The following TTC31 variants were observed in gnomAD, a reference collection of about 807,000 sequenced individuals.
TTC31 encodes the protein tetratricopeptide repeat domain 31, also known as tetratricopeptide repeat protein 31.
TTC31 carries 59 observed loss-of-function variants against 60.4 expected under a neutral mutation model. That is an observed-to-expected ratio of 0.98 (90% CI 0.79 to 1.21). The LOEUF (loss-of-function observed/expected upper bound fraction) is 1.21, where lower values mean the gene tolerates loss of function less well. Among genes scored for constraint, TTC31 ranks in the 50% most tolerant of loss-of-function variants. The probability of loss-of-function intolerance (pLI) is 0.00; values close to 1 mark genes in which losing one functional copy is unlikely to be tolerated. For missense variants in TTC31, 672 were observed against 646.9 expected (o/e 1.04, Z -0.42); for synonymous variants, 225 against 249.6 (o/e 0.90, Z 0.93).
rs1367970437 is a variant in TTC31, at chr2:74,484,515, G to A, written c.129+1105G>A. Among the ~76,000 whole-genome samples, 3 of 151,926 alleles carry A rather than the reference G, an allele frequency of 2.0e-5. No homozygotes were observed. In the East Asian group the frequency reaches 5.9e-4, roughly 30 times the overall value. ...ACTCTGTCGCCCAGGCTGGAGTGCA[G>A]TGGTGTGATCTTGGCTCACTGCAAC... On this transcript the variant is annotated intron_variant, in intron 2 of 12. Transcript: ENST00000233623.
At position 74,492,042 on chromosome 2, in the gene TTC31, C is replaced by T. The variant is rs1437408323; in HGVS notation, c.915C>T (p.Ser305=). The T allele has an allele frequency of 3.7e-6, 6 of 1,614,104 alleles. No individual in the cohort carries two copies. Among genetic ancestry groups the T allele is most frequent in the Non-Finnish European group, 5.1e-6 (6 of 1,180,044 alleles). ...PGLLAAALQQ[S]QELAKLGTSF... Reference sequence around the variant, plus strand: ...TGCTGGCAGCTGCCTTACAACAGAGCCAGGAACTGGCAAGTGAGATCCTTT... The same window carrying T: ...TGCTGGCAGCTGCCTTACAACAGAGTCAGGAACTGGCAAGTGAGATCCTTT... Residue 305 remains serine, a synonymous_variant, in exon 9 of 13, where the codon AGC becomes AGT. Coordinates refer to ENST00000233623, the MANE Select transcript of TTC31 (RefSeq NM_022492.6).
In TTC31 at chr2:74,493,049, C is replaced by T. The variant is rs756592999; in HGVS notation, c.1391C>T (p.Ser464Phe). ...LRCPRSTALRSPGLSPLLHYP... is the reference protein window; with the variant it reads ...LRCPRSTALRFPGLSPLLHYP... ...TGCCCTCGAAGCACTGCTTTGAGGTCCCCTGGCCTGTCTCCACTCTTGCAT... is the reference window on the plus strand; with the variant it reads ...TGCCCTCGAAGCACTGCTTTGAGGTTCCCTGGCCTGTCTCCACTCTTGCAT... The change falls in exon 13 of 13, where the codon TCC (serine) becomes TTC (phenylalanine). Residue 464 changes from serine to phenylalanine, a missense_variant. Physicochemically the swap from Ser to Phe is radical, Grantham distance 155. Transcript: ENST00000233623. 3.5e-5 allele frequency: 56 copies of T among 1,614,034 alleles called. No individual in the cohort carries two copies. Among genetic ancestry groups the T allele is most frequent in the Non-Finnish European group, 4.6e-5 (54 of 1,180,030 alleles).
Position 74,492,996 on chromosome 2 carries a change from G to C in TTC31, c.1338G>C (p.Leu446=). 6.2e-7 allele frequency: 1 copy of C among 1,614,102 alleles called. No individual in the cohort carries two copies. Among genetic ancestry groups the C allele is most frequent in the Non-Finnish European group, 8.5e-7 (1 of 1,179,990 alleles). Residue 446 remains leucine, a synonymous_variant, in exon 13 of 13, where the codon CTG becomes CTC. Coordinates refer to ENST00000233623, the MANE Select transcript of TTC31 (RefSeq NM_022492.6). ...GALQPLPHAE[L]APSGLPSLRC... ...TCCAGCCACTTCCCCATGCTGAGCT[G>C]GCACCCTCAGGCCTACCTTCCCTCA...
At chr2:74,489,012 TA>T (rs1673498850) in intron 2 of TTC31, among the ~76,000 whole-genome samples, 1 of 152,102 alleles carries the variant, frequency 6.6e-6, no homozygotes, top group South Asian at 2.1e-4. Flanking sequence ...GTTGAGATCA[TA>T]CCACTGCACT....
intron 2 of TTC31, among the ~76,000 whole-genome samples, chr2:74,485,876 T>G (rs1272614819): frequency 6.6e-6 from 1 of 151,776 alleles, no homozygotes; most frequent in Non-Finnish European, 1.5e-5. Flanking sequence ...AGTGCTGGGA[T>G]TACAGGCTTG....
Position 74,492,383 on chromosome 2 carries a change from A to G in TTC31, c.1099A>G (p.Thr367Ala), listed in dbSNP as rs767958521. The G allele has an allele frequency of 6.5e-7, 1 of 1,537,024 alleles. No homozygotes were observed. Among genetic ancestry groups the G allele is most frequent in the African/African-American group, 1.4e-5 (1 of 72,494 alleles). ...CCTGGCTGATGCCCAGGTGGCCCTT[A>G]CCCTACGGCCTGGCTGGCCCCGGGG... ...WALADAQVAL[T>A]LRPGWPRGLF... The change falls in exon 11 of 13, where the codon ACC (threonine) becomes GCC (alanine). Residue 367 changes from threonine (T) to alanine (A), a missense_variant. Thr to Ala is a moderately conservative substitution (Grantham distance 58, BLOSUM62 0). Transcript: ENST00000233623.
rs978296704 is a variant in TTC31, at chr2:74,490,698, C to T, written c.505C>T (p.Arg169Cys). ...LAEELVAEEE[R>C]MKQKAEKKRL... Reference sequence around the variant, plus strand: ...TGAGGAGCTGGTGGCTGAGGAGGAGCGCATGAAACAGAAAGCAGAGAAAAA... The same window carrying T: ...TGAGGAGCTGGTGGCTGAGGAGGAGTGCATGAAACAGAAAGCAGAGAAAAA... Residue 169 changes from arginine to cysteine, a missense_variant, in exon 5 of 13, where the codon CGC becomes TGC. Coordinates refer to ENST00000233623, the MANE Select transcript of TTC31 (RefSeq NM_022492.6). The T allele has an allele frequency of 5.0e-6, 8 of 1,613,560 alleles. No individual in the cohort carries two copies. The highest frequency in any genetic ancestry group is 2.7e-5 in the African/African-American group (2 of 74,806).
chr2:74,488,981 G>A (rs370401730), intron 2 of TTC31, among the ~76,000 whole-genome samples: 4 of 152,134 alleles, frequency 2.6e-5, no homozygotes, highest in South Asian at 2.1e-4. Flanking sequence ...GCTTGAACAC[G>A]GGAGGCAGAG....
rs771697630 is a variant in TTC31, at chr2:74,491,155, C to T, written c.574C>T (p.Arg192Cys). 21 of 1,614,050 alleles carry T rather than the reference C, an allele frequency of 1.3e-5. 1 individual carries two copies. The highest frequency in any genetic ancestry group is 1.6e-4 in the Middle Eastern group (1 of 6,084). Residue 192 changes from arginine to cysteine, a missense_variant, in exon 6 of 13, where the codon CGT becomes TGT. Coordinates refer to ENST00000233623, the MANE Select transcript of TTC31 (RefSeq NM_022492.6). ...KRQKERKRQE[R>C]LEQYCGEPKA... Reference sequence around the variant, plus strand: ...TCAAAAGGAACGGAAGCGACAGGAGCGTTTGGAGCAGTACTGTGGGGAGCC... The same window carrying T: ...TCAAAAGGAACGGAAGCGACAGGAGTGTTTGGAGCAGTACTGTGGGGAGCC...
chr2:74,486,955 G>C (rs1173259715), intron 2 of TTC31, among the ~76,000 whole-genome samples: 1 of 151,894 alleles, frequency 6.6e-6, no homozygotes, highest in Non-Finnish European at 1.5e-5. Context: ...TTTACATAGA[G>C]ATCTAAAAAG....
intron 12 of TTC31, 59 bp downstream of exon 12, chr2:74,492,806 C>CT (rs1674087764): frequency 1.0e-5 from 16 of 1,599,120 alleles, no homozygotes; most frequent in Non-Finnish European, 1.4e-5. Context: ...TTGGCTGGGA[C>CT]TGCAATACCA....
intron 2 of TTC31, among the ~76,000 whole-genome samples, chr2:74,485,595 C>G (rs1228705626): frequency 2.6e-5 from 4 of 151,558 alleles, no homozygotes; most frequent in Non-Finnish European, 4.4e-5. Flanking sequence ...CTCAGCCTCC[C>G]GAGTAGCTGG....
At chr2:74,484,256 A>ATC (rs1243397150) in intron 2 of TTC31, among the ~76,000 whole-genome samples, 1 of 151,988 alleles carries the variant, frequency 6.6e-6, no homozygotes, top group Non-Finnish European at 1.5e-5. Flanking sequence ...ATGAAAAAAT[A>ATC]TCTTTTTATA....
intron 5 of TTC31, 87 bp from the exon 6 acceptor site, chr2:74,491,041 C>A: frequency 6.5e-7 from 1 of 1,545,974 alleles, no homozygotes; most frequent in East Asian, 2.2e-5. Flanking sequence ...TCTCATAGAG[C>A]TGCAAAGATG....
Position 74,490,013 on chromosome 2 carries a change from C to T in TTC31, c.130-12C>T, listed in dbSNP as rs1219694987. ...CAACACCAGCCTCCCCTCCCCTCCCCTCCCCTCCCAGGACATAGTGGATTT... is the reference window on the plus strand; with the variant it reads ...CAACACCAGCCTCCCCTCCCCTCCCTTCCCCTCCCAGGACATAGTGGATTT... On this transcript the variant is annotated splice_polypyrimidine_tract_variant and intron_variant, in intron 2 of 12. Transcript: ENST00000233623. The T allele has an allele frequency of 6.6e-7, 1 of 1,518,748 alleles. No homozygotes were observed. The highest frequency in any genetic ancestry group is 1.2e-5 in the South Asian group (1 of 83,510). 94.1% of individuals were successfully genotyped at this position (1,518,748 alleles called of 1,614,324 possible).
At position 74,483,082 on chromosome 2, in the gene TTC31, T is replaced by C. The variant is rs1388956461; in HGVS notation, c.-14T>C. The C allele has an allele frequency of 4.3e-6, 7 of 1,614,004 alleles. No individual in the cohort carries two copies. The highest frequency in any genetic ancestry group is 2.2e-5 in the East Asian group (1 of 44,892). On this transcript the variant is annotated 5_prime_UTR_variant, in exon 1 of 13. Coordinates refer to ENST00000233623, the MANE Select transcript of TTC31 (RefSeq NM_022492.6). ...TACTAGACTACCTTTCATTTCCGGGTCACTGTAGATGCGATGGCGCCGATT... is the reference window on the plus strand; with the variant it reads ...TACTAGACTACCTTTCATTTCCGGGCCACTGTAGATGCGATGGCGCCGATT...
chr2:74,490,640 G>A lies in TTC31; in HGVS notation c.463-16G>A, dbSNP rs201934641. The A allele has an allele frequency of 1.5e-3, 2,391 of 1,612,760 alleles. 4 individuals carry two copies. The highest frequency in any genetic ancestry group is 5.8e-3 in the African/African-American group (431 of 74,950). ...CTGTTTCTCTCTTTTTCTGTCACCTGCCCTTCGTCCTTCAGGAAGCCAATC... is the reference window on the plus strand; with the variant it reads ...CTGTTTCTCTCTTTTTCTGTCACCTACCCTTCGTCCTTCAGGAAGCCAATC... On this transcript the variant is annotated splice_polypyrimidine_tract_variant and intron_variant, in intron 4 of 12. Coordinates refer to ENST00000233623, the MANE Select transcript of TTC31 (RefSeq NM_022492.6).
At position 74,494,368 on chromosome 2, in the gene TTC31, G is replaced by A. The variant is rs758542183; in HGVS notation, c.*1150G>A. 5 of 152,198 alleles carry A rather than the reference G, an allele frequency of 3.3e-5. No individual in the cohort carries two copies. The highest frequency in any genetic ancestry group is 4.4e-5 in the Non-Finnish European group (3 of 68,048). 9.4% of individuals were successfully genotyped at this position (152,198 alleles called of 1,614,324 possible). A position where few individuals can be genotyped will look rare whatever the true frequency, so the allele number is the denominator to read the frequency against. ...CTTAAATACTGTGTAGCAGGATGAAGTCTACCATTACCAGCTGGGTCACCT... is the reference window on the plus strand; with the variant it reads ...CTTAAATACTGTGTAGCAGGATGAAATCTACCATTACCAGCTGGGTCACCT... On this transcript the variant is annotated 3_prime_UTR_variant, in exon 13 of 13. Coordinates refer to ENST00000233623, the MANE Select transcript of TTC31 (RefSeq NM_022492.6).
chr2:74,491,610 A>G lies in TTC31; in HGVS notation c.814A>G (p.Met272Val). The change falls in exon 8 of 13, where the codon ATG becomes GTG. Residue 272 changes from methionine to valine, a missense_variant. By Grantham distance (21) the Met-to-Val change is conservative. Coordinates refer to ENST00000233623, the MANE Select transcript of TTC31 (RefSeq NM_022492.6). ...AGGCAGGGGTCTGGCCCTCCAGAAG[A>G]TGGGTCAAGAGGAAGAGAGCCCTCC... ...PQGRGLALQK[M>V]GQEEESPPRE... 1.2e-6 allele frequency: 2 copies of G among 1,614,206 alleles called. No homozygotes were observed. The highest frequency in any genetic ancestry group is 1.7e-6 in the Non-Finnish European group (2 of 1,180,020).
Sources: gnomAD v4.1 joint callset for allele counts (sites outside exome capture counted in the v4.1 genomes callset) on GRCh38, gnomAD v4.1.1 for gene constraint, MANE v1.5 for transcripts, NCBI Gene and HGNC (gene_info 2026-07-23, HGNC 2026-07-21) for gene names.